The following TTLL12 variants were observed in gnomAD, a reference collection of about 807,000 sequenced individuals.
TTLL12 encodes tubulin tyrosine ligase like 12.
A neutral mutation model predicts 79.6 loss-of-function variants in TTLL12; 77 were observed. That is an observed-to-expected ratio of 0.97 (90% confidence interval 0.81 to 1.17). TTLL12 has a LOEUF of 1.17. Among genes scored for constraint, TTLL12 ranks in the 50% most tolerant of loss-of-function variants. The pLI is 0.00. For synonymous variants in TTLL12, 437 were observed against 376.1 expected (o/e 1.16, Z -1.87); for missense variants, 969 against 895.9 (o/e 1.08, Z -1.04).
chr22:43,169,438 T>G (rs1931705403), intron 12 of TTLL12, 62 bp downstream of exon 12: 1 of 1,411,938 alleles, frequency 7.1e-7, no homozygotes, highest in South Asian at 1.4e-5. Context: ...GAGCAGCTCC[T>G]GCAGGCCCCC....
In TTLL12 at chr22:43,173,667, G is replaced by T. The variant is rs764418004; in HGVS notation, c.1341+48C>A. The T allele has an allele frequency of 3.8e-6, 6 of 1,564,616 alleles. No homozygotes were observed. In the African/African-American group the frequency reaches 8.2e-5, roughly 21 times the overall value. Reference sequence around the variant, plus strand: ...GGTCCCCTTAGCCCCACCTCTCACTGTCCAGCCAGGGCCCTGAGCCCTGGG... The same window carrying T: ...GGTCCCCTTAGCCCCACCTCTCACTTTCCAGCCAGGGCCCTGAGCCCTGGG... On this transcript the variant is annotated intron_variant, in intron 9 of 13. Transcript: ENST00000216129.
rs574613312 is a variant in TTLL12 at position 43,168,991 on chromosome 22, C to T, written c.1645-79G>A. On this transcript the variant is annotated intron_variant, in intron 12 of 13. Transcript: ENST00000216129. ...GGGGGTCTGCTGCCCCTGCCCAAGT[C>T]CCGGGCCCCACGTGGCCCAAGTCAC... The T allele has an allele frequency of 3.1e-4, 465 of 1,494,496 alleles. 6 individuals carry two copies. The South Asian group carries it at 5.7e-3, about 18-fold the overall frequency. 92.6% of individuals were successfully genotyped at this position (1,494,496 alleles called of 1,614,324 possible).
rs545549483 is a variant in TTLL12, at chr22:43,180,897, C to T, written c.391G>A (p.Ala131Thr). The T allele has an allele frequency of 3.7e-6, 6 of 1,612,702 alleles. No individual in the cohort carries two copies. Among genetic ancestry groups the T allele is most frequent in the Admixed American group, 1.7e-5 (1 of 59,996 alleles). Residue 131 changes from alanine (A) to threonine (T), a missense_variant, in exon 3 of 14, where the codon GCG (alanine) becomes ACG (threonine). By Grantham distance (58) the Ala-to-Thr change is moderately conservative (BLOSUM62 0). Transcript: ENST00000216129. ...DHAWTCRVEH[A>T]RQQLQQVPGL... ...GGCACCTGCTGCAGCTGCTGGCGCG[C>T]GTGCTCCACACGGCACGTCCAGGCG...
Position 43,174,625 on chromosome 22 carries a change from G to A in TTLL12, c.918-10C>T, listed in dbSNP as rs931321660. The A allele has an allele frequency of 1.9e-6, 3 of 1,588,572 alleles. No individual in the cohort carries two copies. The highest frequency in any genetic ancestry group is 2.6e-6 in the Non-Finnish European group (3 of 1,163,952). On this transcript the variant is annotated splice_polypyrimidine_tract_variant and intron_variant, in intron 6 of 13. Transcript: ENST00000216129. ...CACGTCCGTGTAGACCCTGTGGGGA[G>A]AGCCCGAGCTGGGTGATCCCGGCTC...
Position 43,183,141 on chromosome 22 carries a change from G to C in TTLL12, c.186C>G (p.Asp62Glu). 1.2e-6 allele frequency: 2 copies of C among 1,613,754 alleles called. No homozygotes were observed. The highest frequency in any genetic ancestry group is 1.3e-5 in the African/African-American group (1 of 75,016). The change falls in exon 2 of 14, where the codon GAC becomes GAG. Residue 62 changes from aspartate to glutamate, a missense_variant. Physicochemically the swap from Asp to Glu is conservative, Grantham distance 45 (BLOSUM62 2). Coordinates refer to ENST00000216129, the MANE Select transcript of TTLL12 (RefSeq NM_015140.4). ...LLHKLEHEVF[D>E]AGEVFGIMQV... Reference sequence around the variant, plus strand: ...GCATGATCCCAAACACTTCCCCAGCGTCGAAAACCTGGGGGCCAGAGTTCC... The same window carrying C: ...GCATGATCCCAAACACTTCCCCAGCCTCGAAAACCTGGGGGCCAGAGTTCC...
chr22:43,167,786 C>T lies in TTLL12; in HGVS notation c.*222G>A, dbSNP rs1333755374. ...GGCAGGGCGTGGGGTGGTGCTCAGC[C>T]CTGGGGACACCATCACTGTCCTGCT... On this transcript the variant is annotated 3_prime_UTR_variant, in exon 14 of 14. Transcript: ENST00000216129. The T allele has an allele frequency of 1.7e-5, 9 of 524,044 alleles. No individual in the cohort carries two copies. The highest frequency in any genetic ancestry group is 2.7e-5 in the Non-Finnish European group (8 of 293,362). The allele number at this position is 524,044 out of a possible 1,614,324, so 32.5% of individuals were successfully genotyped here. A position where few individuals can be genotyped will look rare whatever the true frequency, so the allele number is the denominator to read the frequency against.
rs1013653511 is a variant in TTLL12, at chr22:43,186,861, C to A, written c.177+32G>T. The A allele has an allele frequency of 8.0e-6, 10 of 1,252,546 alleles. No homozygotes were observed. In the African/African-American group the frequency reaches 1.6e-4, roughly 20 times the overall value. 77.6% of individuals were successfully genotyped at this position (1,252,546 alleles called of 1,614,324 possible). ...GGCTCCCGCCGCGCTCCCACCCCGG[C>A]CGCCGCACGTGCCCGCCGCCCTTCC... On this transcript the variant is annotated intron_variant, in intron 1 of 13. Coordinates refer to ENST00000216129, the MANE Select transcript of TTLL12 (RefSeq NM_015140.4).
chr22:43,171,687 A>G lies in TTLL12; in HGVS notation c.1575+132T>C, dbSNP rs920899336. ...GGCAGCGCTAACAATCGCCTTCCAT[A>G]GCAGGAACTCAGGAGGCGGCTCCTG... On this transcript the variant is annotated intron_variant, in intron 11 of 13. Coordinates refer to ENST00000216129, the MANE Select transcript of TTLL12 (RefSeq NM_015140.4). 5.6e-5 allele frequency: 38 copies of G among 675,956 alleles called. No individual in the cohort carries two copies. In the African/African-American group the frequency reaches 5.8e-4, roughly 10 times the overall value. 41.9% of individuals were successfully genotyped at this position (675,956 alleles called of 1,614,324 possible). A position where few individuals can be genotyped will look rare whatever the true frequency, so the allele number is the denominator to read the frequency against.
At chr22:43,185,177 G>A (rs1460162197) in intron 1 of TTLL12, among the ~76,000 whole-genome samples, 4 of 149,144 alleles carry the variant, frequency 2.7e-5, no homozygotes, top group East Asian at 4.0e-4. Context: ...GCAGTGAGCC[G>A]AGATCATGCC....
At position 43,183,145 on chromosome 22, in the gene TTLL12, A is replaced by G. The variant is rs1932101639; in HGVS notation, c.182T>C (p.Phe61Ser). The G allele has an allele frequency of 6.2e-7, 1 of 1,613,644 alleles. No individual in the cohort carries two copies. The highest frequency in any genetic ancestry group is 1.3e-5 in the African/African-American group (1 of 74,910). Reference protein sequence around the residue: ...RLLHKLEHEVFDAGEVFGIMQ... With the variant: ...RLLHKLEHEVSDAGEVFGIMQ... ...GATCCCAAACACTTCCCCAGCGTCG[A>G]AAACCTGGGGGCCAGAGTTCCCGTC... Residue 61 changes from phenylalanine to serine, a missense_variant, in exon 2 of 14, where the codon TTC becomes TCC. By Grantham distance (155) the Phe-to-Ser change is radical. Transcript: ENST00000216129.
intron 1 of TTLL12, among the ~76,000 whole-genome samples, chr22:43,185,201 C>G (rs961326044): frequency 2.1e-5 from 3 of 143,156 alleles, no homozygotes; most frequent in African/African-American, 7.8e-5. Flanking sequence ...GCACTCCAGC[C>G]TGTGTGACAG....
At chr22:43,177,861 GTTAC>G (rs953800121) in intron 5 of TTLL12, among the ~76,000 whole-genome samples, 4 of 152,232 alleles carry the variant, frequency 2.6e-5, no homozygotes, top group South Asian at 2.1e-4. Context: ...AAGTTTTGGA[GTTAC>G]TTGTTACCCA....
At chr22:43,172,838 C>T (rs1931801939) in intron 9 of TTLL12, among the ~76,000 whole-genome samples, 1 of 151,900 alleles carries the variant, frequency 6.6e-6, no homozygotes, top group Non-Finnish European at 1.5e-5. Context: ...GCTGGGATTA[C>T]AGGTGCCCGC....
In TTLL12 at chr22:43,174,206, T is replaced by C. The variant is rs1219923586; in HGVS notation, c.1229+3A>G. 1.2e-6 allele frequency: 2 copies of C among 1,600,798 alleles called. No individual in the cohort carries two copies. Among genetic ancestry groups the C allele is most frequent in the Non-Finnish European group, 8.5e-7 (1 of 1,179,708 alleles). On this transcript the variant is annotated splice_donor_region_variant and intron_variant, in intron 8 of 13. Coordinates refer to ENST00000216129, the MANE Select transcript of TTLL12 (RefSeq NM_015140.4). ...GCACACCGATGCCGTGTCTGGGACT[T>C]ACCACCTTTCCCGCTGCTGGAAGTA... is the stretch of plus-strand genomic sequence containing the variant.
In TTLL12 at chr22:43,167,003, G is replaced by A; in HGVS notation, c.*1005C>T. 1 of 330,254 alleles carries A rather than the reference G, an allele frequency of 3.0e-6. No individual in the cohort carries two copies. Among genetic ancestry groups the A allele is most frequent in the East Asian group, 8.7e-5 (1 of 11,500 alleles). 20.5% of individuals were successfully genotyped at this position (330,254 alleles called of 1,614,324 possible). A position where few individuals can be genotyped will look rare whatever the true frequency, so the allele number is the denominator to read the frequency against. On this transcript the variant is annotated 3_prime_UTR_variant, in exon 14 of 14. Coordinates refer to ENST00000216129, the MANE Select transcript of TTLL12 (RefSeq NM_015140.4). ...ACACTGCAGCCACACAAAAACGCTG[G>A]CAGCTGACTCCTAATTTCAGAAACA...
intron 2 of TTLL12, among the ~76,000 whole-genome samples, chr22:43,181,390 C>CA (rs1399699083): frequency 2.0e-5 from 3 of 152,154 alleles, no homozygotes; most frequent in Non-Finnish European, 4.4e-5. Flanking sequence ...CACAGCTGCT[C>CA]AACAAAAGCA....
At chr22:43,174,425 G>T (rs373135111) in intron 7 of TTLL12, 22 bp from the exon 8 acceptor site, 1 of 1,559,304 alleles carries the variant, frequency 6.4e-7, no homozygotes, top group Non-Finnish European at 8.7e-7. Flanking sequence ...AGGCAGGTGC[G>T]CCAGCTCAAG....
In TTLL12 at chr22:43,173,717, T is replaced by A; in HGVS notation, c.1339A>T (p.Lys447Ter). 1 of 1,600,810 alleles carries A rather than the reference T, an allele frequency of 6.2e-7. No homozygotes were observed. Among genetic ancestry groups the A allele is most frequent in the Non-Finnish European group, 8.5e-7 (1 of 1,179,598 alleles). Residue 447 changes from lysine to a stop codon, truncating the protein, a stop_gained and splice_region_variant, in exon 9 of 14, where the codon AAG (lysine) becomes TAG (stop). Transcript: ENST00000216129. LOFTEE classifies it high-confidence loss of function. ...GGCTCCTGGTCTGCGGGGCCCACCT[T>A]GGGGGTGCTCTCTCGGTGCCGGATG... ...SIIRHRESTP[K>*]VVSKYIESPV... is the part of the protein sequence containing the mutation.
intron 5 of TTLL12, 132 bp from the exon 6 acceptor site, chr22:43,176,528 G>A (rs111911795): frequency 8.8e-5 from 64 of 731,400 alleles, no homozygotes; most frequent in Middle Eastern, 5.1e-4. Context: ...TCAGGAGCTC[G>A]AGACCAGCCT....
Sources: allele counts gnomAD v4.1 joint callset (sites outside exome capture counted in the v4.1 genomes callset), GRCh38; gene constraint gnomAD v4.1.1; transcripts MANE v1.5; gene names NCBI Gene and HGNC (gene_info 2026-07-23, HGNC 2026-07-21).